Variants in HIVEP2 observed in about 807,000 individuals in gnomAD.
HIVEP2 encodes transcription factor HIVEP2.
HIVEP2 carries 14 observed loss-of-function variants against 180.7 expected under a neutral mutation model. That is an observed-to-expected ratio of 0.08 (90% CI 0.05 to 0.12). HIVEP2 has a LOEUF of 0.12. HIVEP2 is among the 10% of genes least tolerant of loss of function. The pLI, the probability that HIVEP2 is intolerant of heterozygous loss-of-function variation, is 1.00. For missense variants in HIVEP2, 2,579 were observed against 3,008.5 expected (o/e 0.86, Z 3.34); for synonymous variants, 1,184 against 1,136.4 (o/e 1.04, Z -0.84).
intron 1 of HIVEP2, among the ~76,000 whole-genome samples, chr6:142,934,573 T>G (rs961961291): frequency 6.6e-6 from 1 of 152,222 alleles, no homozygotes; most frequent in African/African-American, 2.4e-5. Context: ...ATAAATTGAA[T>G]GTTTATAACC....
intron 2 of HIVEP2, among the ~76,000 whole-genome samples, chr6:142,799,857 AC>A (rs1373164898): frequency 6.6e-6 from 1 of 152,154 alleles, no homozygotes; most frequent in Admixed American, 6.5e-5. Flanking sequence ...CAGGTCCATG[AC>A]AGGAACCCAG....
rs568819803 is a variant in HIVEP2 at position 142,813,648 on chromosome 6, C to T, written c.-528+23287G>A. On this transcript the variant is annotated intron_variant, in intron 2 of 9. Coordinates refer to ENST00000367603, the MANE Select transcript of HIVEP2 (RefSeq NM_006734.4). ...AGAGTACAGTGGCACAATTATGGCT[C>T]ATTGCAGCCTCAACTTTCAAGGACT... is the stretch of plus-strand genomic sequence containing the variant. Among the ~76,000 whole-genome samples, 4 of 148,830 alleles carry T rather than the reference C, an allele frequency of 2.7e-5. No individual in the cohort carries two copies. In the East Asian group the frequency reaches 6.0e-4, roughly 22 times the overall value.
intron 1 of HIVEP2, among the ~76,000 whole-genome samples, chr6:142,847,800 T>C (rs1335266965): frequency 6.6e-6 from 1 of 152,176 alleles, no homozygotes; most frequent in Non-Finnish European, 1.5e-5. Flanking sequence ...ATATGAAGAC[T>C]ACAAATCTAC....
chr6:142,942,567 A>T (rs950733189), intron 1 of HIVEP2, among the ~76,000 whole-genome samples: 1 of 152,198 alleles, frequency 6.6e-6, no homozygotes, highest in Non-Finnish European at 1.5e-5. Flanking sequence ...AAAGAGAATT[A>T]TTTTCCTATG....
At chr6:142,915,742 C>T (rs918510772) in intron 1 of HIVEP2, among the ~76,000 whole-genome samples, 1 of 152,100 alleles carries the variant, frequency 6.6e-6, no homozygotes, top group African/African-American at 2.4e-5. Context: ...CTCTTTTCGT[C>T]TCTGTTCTCT....
At chr6:142,754,386 T>G (rs1249045465) in intron 9 of HIVEP2, among the ~76,000 whole-genome samples, 2 of 152,164 alleles carry the variant, frequency 1.3e-5, no homozygotes, top group Non-Finnish European at 2.9e-5. Context: ...ATTTTTAATA[T>G]TTTTCTTAAG....
At chr6:142,823,873 G>T (rs1041197006) in intron 2 of HIVEP2, among the ~76,000 whole-genome samples, 1 of 152,030 alleles carries the variant, frequency 6.6e-6, no homozygotes, top group Non-Finnish European at 1.5e-5. Context: ...ATATTAAAAA[G>T]CTTCAGCAGC....
At chr6:142,762,564 T>C (rs977992088) in intron 7 of HIVEP2, among the ~76,000 whole-genome samples, 6 of 151,914 alleles carry the variant, frequency 3.9e-5, no homozygotes, top group Admixed American at 2.6e-4. Context: ...TAAGGCGCCT[T>C]TACATCACTT....
chr6:142,769,005 A>G (rs1775449166), intron 5 of HIVEP2, among the ~76,000 whole-genome samples: 2 of 148,916 alleles, frequency 1.3e-5, no homozygotes, highest in Admixed American at 1.3e-4. Flanking sequence ...ATATTTTTAT[A>G]ATTTTACATG....
In HIVEP2 at chr6:142,770,816, G is replaced by A. The variant is rs202134049; in HGVS notation, c.3923C>T (p.Thr1308Met). Residue 1308 changes from threonine (T) to methionine (M), a missense_variant, in exon 5 of 10, where the codon ACG becomes ATG. By Grantham distance (81) the Thr-to-Met change is moderately conservative. Transcript: ENST00000367603. The surrounding 1 kb of genome is among the most constrained non-coding windows in gnomAD (Gnocchi z 4.7). ...PSDQSSKSTE[T>M]PSEQVLQEDF... ...TTCTTGAAGAACCTGCTCAGAGGGC[G>A]TTTCAGTTGACTTACTGCTCTGGTC... is the stretch of plus-strand genomic sequence containing the variant. 4.2e-5 allele frequency: 68 copies of A among 1,614,208 alleles called. No homozygotes were observed. In the Admixed American group the frequency reaches 7.7e-4, roughly 18 times the overall value.
At chr6:142,884,135 ATC>A (rs1416421313) in intron 1 of HIVEP2, among the ~76,000 whole-genome samples, 1 of 152,184 alleles carries the variant, frequency 6.6e-6, no homozygotes, top group African/African-American at 2.4e-5. Context: ...AAGTTTTAAA[ATC>A]TCTTTTTCCA....
rs186472028 is a variant in HIVEP2 at position 142,793,755 on chromosome 6, C to T, written c.-527-10140G>A. On this transcript the variant is annotated intron_variant, in intron 2 of 9. Coordinates refer to ENST00000367603, the MANE Select transcript of HIVEP2 (RefSeq NM_006734.4). Reference sequence around the variant, plus strand: ...AGGGTCCAGCTCTGTCACACCCAGGCTAAAGTGCCTCCCTCTGCCTTCTGC... The same window carrying T: ...AGGGTCCAGCTCTGTCACACCCAGGTTAAAGTGCCTCCCTCTGCCTTCTGC... Among the ~76,000 whole-genome samples the T allele has an allele frequency of 1.2e-4, 18 of 151,392 alleles. No individual in the cohort carries two copies. In the East Asian group the frequency reaches 2.9e-3, roughly 25 times the overall value.
At chr6:142,891,527 A>C (rs1776862328) in intron 1 of HIVEP2, among the ~76,000 whole-genome samples, 1 of 152,180 alleles carries the variant, frequency 6.6e-6, no homozygotes, top group Non-Finnish European at 1.5e-5. Context: ...TTTATAGATA[A>C]GGAAACTGGG....
rs766164868 is a variant in HIVEP2, at chr6:142,759,828, G to C, written c.6460C>G (p.Pro2154Ala). ...AAATACTGTCCCATGGACAATGGTGGGTTATGGTATAAAGCCCTTCTGGGA... is the reference window on the plus strand; with the variant it reads ...AAATACTGTCCCATGGACAATGGTGCGTTATGGTATAAAGCCCTTCTGGGA... Reference protein sequence around the residue: ...PSPRRALYHNPPLSMGQYLQA... With the variant: ...PSPRRALYHNAPLSMGQYLQA... Residue 2154 changes from proline (P) to alanine (A), a missense_variant, in exon 9 of 10, where the codon CCA becomes GCA. Physicochemically the swap from Pro to Ala is conservative, Grantham distance 27. This residue lies in a region of HIVEP2 where 660 missense variants were observed against 731.7 expected (regional missense o/e 0.90). Coordinates refer to ENST00000367603, the MANE Select transcript of HIVEP2 (RefSeq NM_006734.4). The C allele has an allele frequency of 6.2e-7, 1 of 1,613,420 alleles. No homozygotes were observed. The highest frequency in any genetic ancestry group is 1.3e-5 in the African/African-American group (1 of 74,890).
At chr6:142,804,952 C>G (rs541274) in intron 2 of HIVEP2, among the ~76,000 whole-genome samples, 87,936 of 151,924 alleles carry the variant, frequency 0.58, 26,873 homozygotes, top group Non-Finnish European at 0.68. Flanking sequence ...ATTCCACAGG[C>G]CATGGCCACA....
At chr6:142,818,347 T>G (rs1776897864) in intron 2 of HIVEP2, among the ~76,000 whole-genome samples, 1 of 152,132 alleles carries the variant, frequency 6.6e-6, no homozygotes. Flanking sequence ...TGATTAACAG[T>G]TTATGGTTGT....
Position 142,761,610 on chromosome 6 carries a change from A to T in HIVEP2, c.5519-45T>A, listed in dbSNP as rs1053175404. The T allele has an allele frequency of 9.9e-6, 10 of 1,013,492 alleles. No individual in the cohort carries two copies. The Admixed American group carries it at 1.4e-4, about 14-fold the overall frequency. The allele number at this position is 1,013,492 out of a possible 1,614,324, so 62.8% of individuals were successfully genotyped here. A position where few individuals can be genotyped will look rare whatever the true frequency, so the allele number is the denominator to read the frequency against. On this transcript the variant is annotated intron_variant, in intron 7 of 9. Coordinates refer to ENST00000367603, the MANE Select transcript of HIVEP2 (RefSeq NM_006734.4). ...AAAGAGAGAAATTAATTGGTTATCA[A>T]ATTAATAACTGCTGATAGCTGCTCC...
intron 2 of HIVEP2, among the ~76,000 whole-genome samples, chr6:142,812,472 T>C (rs997551801): frequency 3.3e-5 from 5 of 152,092 alleles, no homozygotes; most frequent in Admixed American, 6.5e-5. Context: ...AAGCAAGACA[T>C]AAAAAGATCA....
intron 1 of HIVEP2, among the ~76,000 whole-genome samples, chr6:142,906,645 G>A (rs1193873096): frequency 2.0e-5 from 3 of 151,538 alleles, no homozygotes; most frequent in Non-Finnish European, 4.4e-5. Context: ...AGCAATAAGG[G>A]GATTTTTAGA....
Sources: allele counts gnomAD v4.1 joint callset (sites outside exome capture counted in the v4.1 genomes callset), GRCh38; gene constraint gnomAD v4.1.1; regional missense constraint gnomAD v4.1.1; non-coding constraint Gnocchi (gnomAD v3.1); transcripts MANE v1.5; gene names NCBI Gene and HGNC (gene_info 2026-07-23, HGNC 2026-07-21).